The following MBOAT2 variants were observed in gnomAD, a reference collection of about 807,000 sequenced individuals.
MBOAT2 encodes the protein membrane-bound glycerophospholipid O-acyltransferase 2.
Under a neutral mutation model 63.4 loss-of-function variants are expected in MBOAT2, and 28 were observed. That is an observed-to-expected ratio of 0.44 (90% CI 0.33 to 0.61). The LOEUF is 0.61. Ranked by LOEUF, MBOAT2 falls within the 20% of genes least tolerant of loss-of-function variation. MBOAT2 has a pLI of 0.03. For missense variants in MBOAT2, 470 were observed against 605.8 expected (o/e 0.78, Z 2.35); for synonymous variants, 211 against 215.6 (o/e 0.98, Z 0.19).
At chr2:8,889,378 G>C (rs566250880) in intron 4 of MBOAT2, among the ~76,000 whole-genome samples, 1 of 152,138 alleles carries the variant, frequency 6.6e-6, no homozygotes, top group Non-Finnish European at 1.5e-5. Context: ...CTCAACTAAC[G>C]GGAAGGTCTC....
chr2:8,987,088 C>T (rs992654066), intron 1 of MBOAT2, among the ~76,000 whole-genome samples: 14 of 152,212 alleles, frequency 9.2e-5, no homozygotes, highest in African/African-American at 3.4e-4. Context: ...ATTATCAATA[C>T]TGCTTCACCA....
intron 2 of MBOAT2, among the ~76,000 whole-genome samples, chr2:8,949,866 T>C (rs1668697978): frequency 6.6e-6 from 1 of 152,198 alleles, no homozygotes; most frequent in Non-Finnish European, 1.5e-5. Context: ...TTTTTCCAAT[T>C]CTGTAAAAAA....
chr2:8,999,378 G>A (rs1033063707), intron 1 of MBOAT2, among the ~76,000 whole-genome samples: 1 of 152,218 alleles, frequency 6.6e-6, no homozygotes, highest in African/African-American at 2.4e-5. Context: ...AGATGGGAGG[G>A]AGGGAGGAAG....
intron 4 of MBOAT2, among the ~76,000 whole-genome samples, chr2:8,907,601 C>T (rs1296625172): frequency 2.6e-5 from 4 of 152,168 alleles, no homozygotes; most frequent in Non-Finnish European, 5.9e-5. Context: ...CATCTGCTCT[C>T]CTTTTCTGCC....
intron 1 of MBOAT2, among the ~76,000 whole-genome samples, chr2:8,998,609 C>G (rs6756066): frequency 2.7e-5 from 4 of 149,694 alleles, no homozygotes; most frequent in Non-Finnish European, 5.9e-5. Flanking sequence ...AGGGGAAGAG[C>G]GGGGGGCGGG....
chr2:8,872,976 T>C (rs992375678), intron 8 of MBOAT2, 132 bp downstream of exon 8: 5 of 707,252 alleles, frequency 7.1e-6, no homozygotes, highest in Non-Finnish European at 1.1e-5. Flanking sequence ...AGGGCTGTTT[T>C]TTCTACACAG....
chr2:8,883,687 T>C (rs1008793797), intron 5 of MBOAT2, among the ~76,000 whole-genome samples: 3 of 152,186 alleles, frequency 2.0e-5, no homozygotes, highest in South Asian at 4.1e-4. Context: ...TAAACCAGTA[T>C]AGCAAACACT....
At chr2:8,872,928 T>C (rs1468974356) in intron 8 of MBOAT2, among the ~76,000 whole-genome samples, 180 bp downstream of exon 8, 3 of 152,224 alleles carry the variant, frequency 2.0e-5, no homozygotes, top group African/African-American at 7.2e-5. Context: ...ATAATAAAAT[T>C]GATTCAGTTT....
intron 1 of MBOAT2, among the ~76,000 whole-genome samples, chr2:8,964,790 T>A (rs185396524): frequency 5.8e-4 from 89 of 152,372 alleles, no homozygotes; most frequent in Non-Finnish European, 9.7e-4. Context: ...CTAATAAATA[T>A]AAAACATTAT....
chr2:8,920,371 A>G (rs1454655253), intron 3 of MBOAT2, among the ~76,000 whole-genome samples: 3 of 152,194 alleles, frequency 2.0e-5, no homozygotes, highest in Non-Finnish European at 4.4e-5. Context: ...CTGAACTCTC[A>G]ATTTTGTTGC....
intron 5 of MBOAT2, among the ~76,000 whole-genome samples, chr2:8,883,442 A>G (rs1256147534): frequency 6.6e-6 from 1 of 152,232 alleles, no homozygotes; most frequent in East Asian, 1.9e-4. Context: ...GCTCTTACTC[A>G]TATAATACAA....
Position 8,887,613 on chromosome 2 carries a change from A to G in MBOAT2, c.451+405T>C, listed in dbSNP as rs76589278. Among the ~76,000 whole-genome samples, 1,032 of 152,330 alleles carry G rather than the reference A, an allele frequency of 6.8e-3. 18 individuals are homozygous for G. The highest frequency in any genetic ancestry group is 0.024 in the African/African-American group (990 of 41,572). On this transcript the variant is annotated intron_variant, in intron 5 of 12. Transcript: ENST00000305997. ...ACAGAAATATTTCTAATAAAAATAC[A>G]TGGAAACAGGTAATTATGAATGTGT...
At chr2:8,955,391 G>T (rs1669143704) in intron 2 of MBOAT2, among the ~76,000 whole-genome samples, 1 of 152,142 alleles carries the variant, frequency 6.6e-6, no homozygotes, top group Non-Finnish European at 1.5e-5. Context: ...TCATAGAGAA[G>T]GTCTCCCTGC....
chr2:8,984,503 A>T (rs1671416569), intron 1 of MBOAT2, among the ~76,000 whole-genome samples: 1 of 152,192 alleles, frequency 6.6e-6, no homozygotes. Context: ...TAGAAAGGGC[A>T]TGCAGGGAGC....
At position 8,862,319 on chromosome 2, in the gene MBOAT2, A is replaced by C; in HGVS notation, c.1185+271T>G. ...CTCAGTTTTTATCTCTCCTTCAGAAAATTCTGTAAAGACAAAGTAACATTT... is the reference window on the plus strand; with the variant it reads ...CTCAGTTTTTATCTCTCCTTCAGAACATTCTGTAAAGACAAAGTAACATTT... On this transcript the variant is annotated intron_variant, in intron 11 of 12. Transcript: ENST00000305997. This position sits in a 1 kb window ranked among gnomAD's most constrained non-coding sequence, Gnocchi z 4.3. 7.3e-7 allele frequency: 1 copy of C among 1,377,990 alleles called. No individual in the cohort carries two copies. The highest frequency in any genetic ancestry group is 9.5e-7 in the Non-Finnish European group (1 of 1,047,228). The allele number at this position is 1,377,990 out of a possible 1,614,324, so 85.4% of individuals were successfully genotyped here.
chr2:8,893,854 G>C (rs992386658), intron 4 of MBOAT2, among the ~76,000 whole-genome samples: 14 of 152,312 alleles, frequency 9.2e-5, no homozygotes, highest in African/African-American at 3.1e-4. Context: ...GAGACACTGG[G>C]ATAAGCAGCA....
At chr2:8,881,498 C>A (rs995710291) in intron 6 of MBOAT2, among the ~76,000 whole-genome samples, 2 of 152,122 alleles carry the variant, frequency 1.3e-5, no homozygotes, top group Admixed American at 6.5e-5. Flanking sequence ...ACTCAGCATT[C>A]TTCCCCTGTT....
intron 1 of MBOAT2, among the ~76,000 whole-genome samples, chr2:8,971,284 G>A (rs548958612): frequency 6.6e-6 from 1 of 152,316 alleles, no homozygotes; most frequent in South Asian, 2.1e-4. Flanking sequence ...TATCTCAACA[G>A]ATGCAGAAAA....
Position 8,854,115 on chromosome 2 carries a change from CAG to C in MBOAT2, c.*4562_*4563del, listed in dbSNP as rs1305281593. On this transcript the variant is annotated 3_prime_UTR_variant, in exon 13 of 13. Transcript: ENST00000305997. ...TTCATTTTAAAATTTCTGTTGTAAT[CAG>C]AGTTTCTATAAATAGATTTGACTAC... 1 of 152,156 alleles carries C rather than the reference CAG, an allele frequency of 6.6e-6. No homozygotes were observed. The highest frequency in any genetic ancestry group is 1.9e-4 in the East Asian group (1 of 5,204). The allele number at this position is 152,156 out of a possible 1,614,324, so 9.4% of individuals were successfully genotyped here.
Sources: gnomAD v4.1 joint callset for allele counts (sites outside exome capture counted in the v4.1 genomes callset) on GRCh38, gnomAD v4.1.1 for gene constraint, Gnocchi (gnomAD v3.1) non-coding constraint, MANE v1.5 for transcripts, NCBI Gene and HGNC (gene_info 2026-07-23, HGNC 2026-07-21) for gene names.